Variants in SLC25A51 observed in about 807,000 individuals in gnomAD.
SLC25A51 encodes mitochondrial nicotinamide adenine dinucleotide transporter SLC25A51.
In SLC25A51, 11 loss-of-function variants were observed where a neutral mutation model predicts 19.1. That is an observed-to-expected ratio of 0.58 (90% CI 0.36 to 0.96). The LOEUF (loss-of-function observed/expected upper bound fraction) is 0.96, where lower values mean the gene tolerates loss of function less well. SLC25A51 is among the 40% of genes least tolerant of loss of function. SLC25A51 has a pLI of 0.01. For missense variants in SLC25A51, 201 were observed against 365.4 expected, an observed-to-expected ratio of 0.55 and a Z score of 3.67; for synonymous variants, 105 against 133.6, an observed-to-expected ratio of 0.79 and a Z score of 1.47.
intron 3 of SLC25A51, chr9:37,881,412 T>C (rs1168011381): frequency 3.3e-5 from 5 of 152,210 alleles, no homozygotes; most frequent in African/African-American, 7.2e-5. Flanking sequence ...TCCCAGACTT[T>C]TGGGAGGCCA....
chr9:37,886,176 G>C (rs1295026274), downstream of SLC25A51: 12 of 1,483,096 alleles, frequency 8.1e-6, no homozygotes, highest in Non-Finnish European at 1.0e-5. Flanking sequence ...TTCCAAGGTG[G>C]CAAGAAGGTA....
chr9:37,885,154 G>C (rs1831419762), downstream of SLC25A51, among the ~76,000 whole-genome samples: 1 of 152,014 alleles, frequency 6.6e-6, no homozygotes, highest in African/African-American at 2.4e-5. Flanking sequence ...AACAAAGGAA[G>C]CCTGAGGAGC....
Position 37,887,607 on chromosome 9 carries a change from T to G in SLC25A51, c.*50A>C. 6.5e-7 allele frequency: 1 copy of G among 1,539,952 alleles called. No individual in the cohort carries two copies. Among genetic ancestry groups the G allele is most frequent in the Non-Finnish European group, 8.7e-7 (1 of 1,147,866 alleles). On this transcript the variant is annotated 3_prime_UTR_variant, in exon 3 of 3. Coordinates refer to ENST00000242275, the MANE Select transcript of SLC25A51 (RefSeq NM_033412.4). ...AAAAAAAAGAGGCCAAACTGCATTCTTCTTAGAAGGTCTATTCAGTTGATA... is the reference window on the plus strand; with the variant it reads ...AAAAAAAAGAGGCCAAACTGCATTCGTCTTAGAAGGTCTATTCAGTTGATA...
intron 2 of SLC25A51, 23 bp from the exon 3 acceptor site, chr9:37,888,615 G>A (rs1397459726): frequency 1.3e-6 from 2 of 1,526,236 alleles, no homozygotes; most frequent in Admixed American, 2.2e-5. Flanking sequence ...AATGACAACG[G>A]GTAAACCCGT....
At chr9:37,889,543 C>G (rs1831534869) in intron 2 of SLC25A51, among the ~76,000 whole-genome samples, 2 of 151,830 alleles carry the variant, frequency 1.3e-5, no homozygotes, top group Admixed American at 1.3e-4. Flanking sequence ...CAAAACAACT[C>G]CACAATTATT....
rs1425873051 is a variant in SLC25A51 at position 37,887,974 on chromosome 9, G to T, written c.577C>A (p.Leu193Ile). The T allele has an allele frequency of 6.8e-6, 11 of 1,612,058 alleles. No individual in the cohort carries two copies. The highest frequency in any genetic ancestry group is 9.3e-6 in the Non-Finnish European group (11 of 1,179,864). The part of the protein sequence containing the change: ...NGLSNVLFFG[L>I]RGPIKEHLPT... ...AGATGCTCCTTAATGGGACCTCGAA[G>T]GCCGAAAAACAAGACATTGCTGAGT... The change falls in exon 3 of 3, where the codon CTT (leucine) becomes ATT (isoleucine). Residue 193 changes from leucine to isoleucine, a missense_variant. Leu to Ile is a conservative substitution (Grantham distance 5, BLOSUM62 2). Transcript: ENST00000242275.
At chr9:37,891,688 A>C (rs1031937310) in intron 2 of SLC25A51, among the ~76,000 whole-genome samples, 1 of 152,084 alleles carries the variant, frequency 6.6e-6, no homozygotes, top group African/African-American at 2.4e-5. Context: ...ACCACTCCCT[A>C]ATCGCAAGTT....
chr9:37,894,954 C>T (rs1340322719), intron 2 of SLC25A51, among the ~76,000 whole-genome samples: 3 of 152,190 alleles, frequency 2.0e-5, no homozygotes, highest in Non-Finnish European at 4.4e-5. Flanking sequence ...CACAATCTTG[C>T]TCTTTTTATG....
chr9:37,893,099 A>G (rs1831635627), intron 2 of SLC25A51, among the ~76,000 whole-genome samples: 1 of 151,798 alleles, frequency 6.6e-6, no homozygotes, highest in African/African-American at 2.4e-5. Flanking sequence ...GCTGGTCTTG[A>G]GCTTCTGGGC....
At chr9:37,880,146 A>G (rs1215793848) in exon 4 of SLC25A51, 2 of 151,350 alleles carry the variant, frequency 1.3e-5, no homozygotes, top group Non-Finnish European at 2.9e-5. Flanking sequence ...AACTGTCTCT[A>G]CTGAAAAAAT....
intron 2 of SLC25A51, among the ~76,000 whole-genome samples, chr9:37,893,892 T>TG (rs1831651703): frequency 6.6e-6 from 1 of 152,184 alleles, no homozygotes; most frequent in African/African-American, 2.4e-5. Context: ...TCTTCTCACC[T>TG]GAACTAATGC....
chr9:37,884,935 C>T (rs1355971354), downstream of SLC25A51, among the ~76,000 whole-genome samples: 1 of 152,212 alleles, frequency 6.6e-6, no homozygotes, highest in Non-Finnish European at 1.5e-5. Flanking sequence ...ACTTTCATAG[C>T]TCCTTGATCT....
chr9:37,879,073 C>T, downstream of SLC25A51: 5 of 352,552 alleles, frequency 1.4e-5, no homozygotes, highest in South Asian at 1.0e-4. Flanking sequence ...TCTTAATCAC[C>T]GTGAAAAAAA....
At chr9:37,885,479 C>T (rs894382752), downstream of SLC25A51, among the ~76,000 whole-genome samples, 2 of 151,656 alleles carry the variant, frequency 1.3e-5, no homozygotes, top group African/African-American at 4.9e-5. Flanking sequence ...TTATATTTGG[C>T]CAATTAAGAA....
chr9:37,892,628 A>C (rs1003241065), intron 2 of SLC25A51, among the ~76,000 whole-genome samples: 7 of 151,862 alleles, frequency 4.6e-5, no homozygotes, highest in African/African-American at 1.7e-4. Context: ...GCTGGAATGC[A>C]GTAGTGCAAT....
chr9:37,886,466 CT>C, downstream of SLC25A51: 5 of 1,437,556 alleles, frequency 3.5e-6, no homozygotes, highest in Non-Finnish European at 3.7e-6. Context: ...AGACTACAGC[CT>C]TTTATTTATG....
downstream of SLC25A51, chr9:37,887,560 T>G: frequency 1.4e-6 from 2 of 1,392,950 alleles, no homozygotes; most frequent in South Asian, 3.0e-5. Flanking sequence ...CATAATAAGA[T>G]TGGGATTTCC....
chr9:37,889,826 G>A (rs1831540527), intron 2 of SLC25A51, among the ~76,000 whole-genome samples: 1 of 151,066 alleles, frequency 6.6e-6, no homozygotes, highest in Non-Finnish European at 1.5e-5. Flanking sequence ...TTCCTTGCCA[G>A]TCATCTAAAT....
intron 2 of SLC25A51, among the ~76,000 whole-genome samples, chr9:37,893,561 A>T (rs1831644615): frequency 6.6e-6 from 1 of 152,096 alleles, no homozygotes; most frequent in Admixed American, 6.6e-5. Flanking sequence ...GAGCCATACC[A>T]CCTCTAAGGT....
Sources: allele counts gnomAD v4.1 joint callset (sites outside exome capture counted in the v4.1 genomes callset), GRCh38; gene constraint gnomAD v4.1.1; transcripts MANE v1.5; gene names NCBI Gene and HGNC (gene_info 2026-07-23, HGNC 2026-07-21).